PTPRK: variants seen among roughly 807,000 people sequenced by gnomAD.
PTPRK encodes receptor-type tyrosine-protein phosphatase kappa.
In PTPRK, 75 loss-of-function variants were observed where a neutral mutation model predicts 178.0. The observed-to-expected ratio is 0.42, with a 90% CI of 0.35 to 0.51. PTPRK has a LOEUF of 0.51. PTPRK is among the 20% of genes least tolerant of loss of function. PTPRK has a pLI of 0.02. For synonymous variants in PTPRK, 637 were observed against 620.6 expected, an observed-to-expected ratio of 1.03 and a Z score of -0.39; for missense variants, 1,441 against 1,797.8, an observed-to-expected ratio of 0.80 and a Z score of 3.59.
chr6:127,998,979 A>C, intron 15 of PTPRK, 75 bp from the exon 16 acceptor site: 1 of 1,232,762 alleles, frequency 8.1e-7, no homozygotes, highest in Non-Finnish European at 1.1e-6. Context: ...CTATGCAATG[A>C]AGATTTTAAG....
chr6:128,448,383 T>C (rs1362140785), intron 1 of PTPRK, among the ~76,000 whole-genome samples: 1 of 152,182 alleles, frequency 6.6e-6, no homozygotes, highest in Non-Finnish European at 1.5e-5. Flanking sequence ...GTCTTTTCAT[T>C]TCACACCCTT....
chr6:128,389,402 T>G (rs560062322), intron 2 of PTPRK, among the ~76,000 whole-genome samples: 1 of 41,322 alleles, frequency 2.4e-5, no homozygotes, highest in African/African-American at 3.7e-5. Context: ...GGTTTTTTTT[T>G]GTTTTTTTTT....
At chr6:128,442,032 T>C (rs191583895) in intron 1 of PTPRK, among the ~76,000 whole-genome samples, 1 of 152,316 alleles carries the variant, frequency 6.6e-6, no homozygotes, top group African/African-American at 2.4e-5. Context: ...AGATCTCAAG[T>C]GTTAACTCCA....
intron 6 of PTPRK, among the ~76,000 whole-genome samples, chr6:128,190,104 T>C (rs1046486685): frequency 6.6e-6 from 1 of 152,214 alleles, no homozygotes; most frequent in Non-Finnish European, 1.5e-5. Flanking sequence ...TTTAATATCA[T>C]ATGTATAACA....
At chr6:128,402,077 T>C (rs1256151302) in intron 1 of PTPRK, among the ~76,000 whole-genome samples, 1 of 152,176 alleles carries the variant, frequency 6.6e-6, no homozygotes, top group Non-Finnish European at 1.5e-5. Context: ...GATATAAATT[T>C]GTTGATATGA....
In PTPRK at chr6:128,312,421, A is replaced by G. The variant is rs892221948; in HGVS notation, c.495+9618T>C. The stretch of plus-strand genomic sequence containing the variant: ...GGCTAGCCTTGGGGGAGTAGAAGTG[A>G]GAAACAGGAAGGAAGGAGAAGGTCA... On this transcript the variant is annotated intron_variant, in intron 3 of 29. Coordinates refer to ENST00000368226, the MANE Select transcript of PTPRK (RefSeq NM_002844.4). 2.0e-5 allele frequency among the ~76,000 whole-genome samples: 3 copies of G among 152,172 alleles called. No homozygotes were observed. In the South Asian group the frequency reaches 6.2e-4, roughly 31 times the overall value.
At chr6:128,432,556 T>C (rs1844969691) in intron 1 of PTPRK, among the ~76,000 whole-genome samples, 1 of 152,204 alleles carries the variant, frequency 6.6e-6, no homozygotes, top group African/African-American at 2.4e-5. Context: ...ATGTGAATCA[T>C]ACAAAAATAT....
chr6:128,317,245 G>A (rs1015766652), intron 3 of PTPRK, among the ~76,000 whole-genome samples: 7 of 152,132 alleles, frequency 4.6e-5, no homozygotes, highest in African/African-American at 1.7e-4. Flanking sequence ...AACTGTGCAT[G>A]AAGGTAAGAA....
In PTPRK at chr6:128,226,650, C is replaced by CTTCAGACTT. The variant is rs144251808; in HGVS notation, c.694-7563_694-7555dup. Among the ~76,000 whole-genome samples the CTTCAGACTT allele has an allele frequency of 4.5e-3, 691 of 151,930 alleles. 16 individuals are homozygous for CTTCAGACTT. The East Asian group carries it at 0.077, about 17-fold the overall frequency. ...CCTCCCCAAGGGCTTGCCCTACAGA[C>CTTCAGACTT]TTCAGACTTGCCTAGCCAATCTGCA... is the stretch of plus-strand genomic sequence containing the variant. On this transcript the variant is annotated intron_variant, in intron 5 of 29. Coordinates refer to ENST00000368226, the MANE Select transcript of PTPRK (RefSeq NM_002844.4).
Position 128,519,717 on chromosome 6 carries a change from G to A in PTPRK, c.100+542C>T, listed in dbSNP as rs1009656962. Among the ~76,000 whole-genome samples, 1 of 152,218 alleles carries A rather than the reference G, an allele frequency of 6.6e-6. No homozygotes were observed. The highest frequency in any genetic ancestry group is 2.1e-4 in the South Asian group (1 of 4,834). On this transcript the variant is annotated intron_variant, in intron 1 of 29. Coordinates refer to ENST00000368226, the MANE Select transcript of PTPRK (RefSeq NM_002844.4). This position sits in a 1 kb window ranked among gnomAD's most constrained non-coding sequence, Gnocchi z 4.3. ...AGGGCAAGCCCGGGAGCAACCCAGAGCTGGGGGAGGAGAAAAGGGGACTCC... is the reference window on the plus strand; with the variant it reads ...AGGGCAAGCCCGGGAGCAACCCAGAACTGGGGGAGGAGAAAAGGGGACTCC...
At chr6:128,054,077 A>G (rs2114885935) in intron 13 of PTPRK, among the ~76,000 whole-genome samples, 1 of 152,314 alleles carries the variant, frequency 6.6e-6, no homozygotes, top group South Asian at 2.1e-4. Flanking sequence ...TGTTGCCTTT[A>G]CAATGCAGTT....
At position 128,009,233 on chromosome 6, in the gene PTPRK, G is replaced by A; in HGVS notation, c.2230C>T (p.Pro744Ser). Residue 744 changes from proline (P) to serine (S), a missense_variant, in exon 14 of 30, where the codon CCC (proline) becomes TCC (serine). Physicochemically the swap from Pro to Ser is moderately conservative, Grantham distance 74. Transcript: ENST00000368226. ...ATEEPEVIPD[P>S]AKQTDRVVKI... ...ACCACTCTGTCTGTCTGCTTGGCGGGATCTGGGATCACTTCTGGTTCTTCT... is the reference window on the plus strand; with the variant it reads ...ACCACTCTGTCTGTCTGCTTGGCGGAATCTGGGATCACTTCTGGTTCTTCT... The A allele has an allele frequency of 1.2e-6, 2 of 1,608,478 alleles. No homozygotes were observed. Among genetic ancestry groups the A allele is most frequent in the Non-Finnish European group, 8.5e-7 (1 of 1,176,768 alleles).
chr6:128,508,860 T>A (rs12176552), intron 1 of PTPRK, among the ~76,000 whole-genome samples: 3,846 of 150,966 alleles, frequency 0.025, 124 homozygotes, highest in African/African-American at 0.084. Flanking sequence ...GGCAGGAGAA[T>A]CGCTTGAACC....
At chr6:128,475,007 G>A (rs775662999) in intron 1 of PTPRK, among the ~76,000 whole-genome samples, 8 of 152,056 alleles carry the variant, frequency 5.3e-5, no homozygotes, top group Non-Finnish European at 1.0e-4. Flanking sequence ...TATAAAATGG[G>A]CCCATCCTCT....
chr6:128,276,664 T>C (rs1172694637), intron 3 of PTPRK, among the ~76,000 whole-genome samples: 1 of 152,142 alleles, frequency 6.6e-6, no homozygotes, highest in African/African-American at 2.4e-5. Flanking sequence ...AAACTGATTC[T>C]TCCTTGTGCC....
intron 1 of PTPRK, among the ~76,000 whole-genome samples, chr6:128,434,017 G>A (rs564052535): frequency 5.3e-5 from 8 of 151,396 alleles, no homozygotes; most frequent in Admixed American, 3.3e-4. Context: ...AGGCTAATAC[G>A]AGATAAGATA....
intron 1 of PTPRK, among the ~76,000 whole-genome samples, chr6:128,453,947 T>C (rs371258729): frequency 3.3e-5 from 5 of 152,146 alleles, no homozygotes; most frequent in Admixed American, 2.6e-4. Context: ...AAAGTTCTTC[T>C]ATAGAAGTTA....
At chr6:128,392,801 A>C (rs1443663554) in intron 2 of PTPRK, among the ~76,000 whole-genome samples, 1 of 152,170 alleles carries the variant, frequency 6.6e-6, no homozygotes, top group Admixed American at 6.5e-5. Flanking sequence ...TAGAATTAAC[A>C]ACATTTAAGT....
chr6:128,353,242 G>C (rs1460186013), intron 2 of PTPRK, among the ~76,000 whole-genome samples: 2 of 152,146 alleles, frequency 1.3e-5, no homozygotes, highest in Admixed American at 6.5e-5. Context: ...GGTGAAGATG[G>C]ATTACTCATA....
Sources: gnomAD v4.1 joint callset for allele counts (sites outside exome capture counted in the v4.1 genomes callset) on GRCh38, gnomAD v4.1.1 for gene constraint, Gnocchi (gnomAD v3.1) non-coding constraint, MANE v1.5 for transcripts, NCBI Gene and HGNC (gene_info 2026-07-23, HGNC 2026-07-21) for gene names.